LIMS1: variants seen among roughly 807,000 people sequenced by gnomAD.
LIMS1 encodes LIM zinc finger domain containing 1, also known as LIM and senescent cell antigen-like-containing domain protein 1.
Under a neutral mutation model 44.1 loss-of-function variants are expected in LIMS1, and 18 were observed. That is an observed-to-expected ratio of 0.41 (90% CI 0.28 to 0.61). The LOEUF is 0.61. Ranked by LOEUF, LIMS1 falls within the 20% of genes least tolerant of loss-of-function variation. The pLI is 0.32. For synonymous variants in LIMS1, 93 were observed against 149.1 expected, an observed-to-expected ratio of 0.62 and a Z score of 2.74; for missense variants, 201 against 422.0, an observed-to-expected ratio of 0.48 and a Z score of 4.59.
intron 1 of LIMS1, among the ~76,000 whole-genome samples, chr2:108,601,519 G>A (rs190384870): frequency 5.2e-4 from 79 of 152,292 alleles, no homozygotes; most frequent in African/African-American, 1.3e-3. Flanking sequence ...AATAACTAAC[G>A]TGTAAGAATA....
intron 1 of LIMS1, among the ~76,000 whole-genome samples, chr2:108,544,797 C>T (rs1367175860): frequency 6.6e-6 from 1 of 152,118 alleles, no homozygotes; most frequent in Non-Finnish European, 1.5e-5. Context: ...ACTGGGCCAG[C>T]CTCAATAATT....
At chr2:108,588,250 C>T (rs1686199653) in intron 1 of LIMS1, 1 of 756,404 alleles carries the variant, frequency 1.3e-6, no homozygotes, top group African/African-American at 2.1e-5. Context: ...CACCATGTCA[C>T]ATGATTTGAC....
chr2:108,652,580 T>C (rs866438804), intron 1 of LIMS1, among the ~76,000 whole-genome samples: 48 of 152,222 alleles, frequency 3.2e-4, no homozygotes, highest in African/African-American at 1.1e-3. Flanking sequence ...AAGAGAAGTC[T>C]GTGGTGATGG....
chr2:108,579,842 G>C (rs533559425), intron 1 of LIMS1, among the ~76,000 whole-genome samples: 10 of 152,170 alleles, frequency 6.6e-5, no homozygotes, highest in Non-Finnish European at 1.2e-4. Context: ...CAGAGGAAGC[G>C]ACCTCTTGAC....
At chr2:108,552,377 A>G (rs1368697604) in intron 1 of LIMS1, among the ~76,000 whole-genome samples, 2 of 144,338 alleles carry the variant, frequency 1.4e-5, no homozygotes, top group Non-Finnish European at 3.0e-5. Context: ...CGTATAGTAT[A>G]TATATGAAAC....
chr2:108,577,148 C>A (rs573456093), intron 1 of LIMS1, among the ~76,000 whole-genome samples: 6 of 152,214 alleles, frequency 3.9e-5, no homozygotes, highest in African/African-American at 4.8e-5. Flanking sequence ...TCATTTGAAA[C>A]TAGTTAACTG....
chr2:108,638,789 A>G (rs547680842), intron 1 of LIMS1, among the ~76,000 whole-genome samples: 5 of 152,192 alleles, frequency 3.3e-5, no homozygotes, highest in African/African-American at 1.2e-4. Context: ...CACGCCTGTA[A>G]TCCCAGCACT....
intron 1 of LIMS1, among the ~76,000 whole-genome samples, chr2:108,608,388 C>G (rs981545249): frequency 1.3e-5 from 2 of 151,698 alleles, no homozygotes; most frequent in Admixed American, 1.3e-4. Context: ...TCACTGAAAC[C>G]TCCGCCTCCC....
At chr2:108,612,010 A>ATAAAATATATATAAATATAT (rs1687669627) in intron 1 of LIMS1, among the ~76,000 whole-genome samples, 1 of 136,724 alleles carries the variant, frequency 7.3e-6, no homozygotes, top group Admixed American at 7.9e-5. Context: ...ATACACACAT[A>ATAAAATATATATAAATATAT]TATATATACA....
At chr2:108,593,935 T>C (rs1686535945) in intron 1 of LIMS1, among the ~76,000 whole-genome samples, 1 of 152,142 alleles carries the variant, frequency 6.6e-6, no homozygotes, top group Non-Finnish European at 1.5e-5. Context: ...GAGACCCTAG[T>C]GGTAAGTAAA....
intron 1 of LIMS1, among the ~76,000 whole-genome samples, chr2:108,614,145 C>T (rs1342779459): frequency 6.6e-6 from 1 of 152,178 alleles, no homozygotes; most frequent in Non-Finnish European, 1.5e-5. Context: ...ACAGACTCTC[C>T]GCATGTGACT....
chr2:108,579,034 GT>G lies in LIMS1; in HGVS notation c.32+44441del, dbSNP rs544086204. 9.3e-4 allele frequency among the ~76,000 whole-genome samples: 141 copies of G among 152,038 alleles called. 1 individual carries two copies. Among genetic ancestry groups the G allele is most frequent in the African/African-American group, 3.2e-3 (134 of 41,456 alleles). On this transcript the variant is annotated intron_variant, in intron 1 of 9. Transcript: ENST00000544547. ...ATTCATTATCCTATATCACTTTTTG[GT>G]ATGCATTCATGGGATTTTGTAGGCA...
chr2:108,534,420 C>G, exon 1 of LIMS1: 1 of 491,492 alleles, frequency 2.0e-6, no homozygotes, highest in Non-Finnish European at 2.9e-6. Context: ...CTCCCGCGCC[C>G]CCGCGCGGCC....
chr2:108,621,497 C>G, intron 1 of LIMS1: 1 of 1,442,648 alleles, frequency 6.9e-7, no homozygotes, highest in Non-Finnish European at 9.5e-7. Context: ...AAGGTCAAGA[C>G]ATCTAATCTA....
chr2:108,590,217 T>G (rs1459501903), intron 1 of LIMS1, among the ~76,000 whole-genome samples: 1 of 152,234 alleles, frequency 6.6e-6, no homozygotes, highest in Non-Finnish European at 1.5e-5. Context: ...TGTAAGGCAG[T>G]CTCTTATATA....
intron 1 of LIMS1, among the ~76,000 whole-genome samples, chr2:108,578,904 A>G (rs890044403): frequency 1.3e-5 from 2 of 152,236 alleles, no homozygotes; most frequent in East Asian, 3.9e-4. Context: ...ATGAAATGTA[A>G]ATAATTTTTA....
chr2:108,591,353 G>A (rs1023594942), intron 1 of LIMS1, among the ~76,000 whole-genome samples: 3 of 152,208 alleles, frequency 2.0e-5, no homozygotes, highest in Non-Finnish European at 2.9e-5. Flanking sequence ...GAACCTGGGC[G>A]TTGTCAGAGG....
rs1018619686 is a variant in LIMS1, at chr2:108,636,555, A to G, written c.33-23050A>G. On this transcript the variant is annotated intron_variant, in intron 1 of 9. Transcript: ENST00000544547. ...CTGACAAGGTCTCAGTGCTGCTCAT[A>G]GAGGACAAAGATTCACAGAGGTAGC... Among the ~76,000 whole-genome samples, 6 of 152,184 alleles carry G rather than the reference A, an allele frequency of 3.9e-5. No homozygotes were observed. In the South Asian group the frequency reaches 6.2e-4, roughly 16 times the overall value.
intron 1 of LIMS1, among the ~76,000 whole-genome samples, chr2:108,635,429 T>TAAAAAAAAAAAAA (rs70956264): frequency 4.6e-5 from 4 of 86,722 alleles, no homozygotes; most frequent in African/African-American, 1.5e-4. Flanking sequence ...ACTTCATCTC[T>TAAAAAAAAAAAAA]AAAAAAAAAA....
Sources: allele counts gnomAD v4.1 joint callset (sites outside exome capture counted in the v4.1 genomes callset), GRCh38; gene constraint gnomAD v4.1.1; transcripts MANE v1.5; gene names NCBI Gene and HGNC (gene_info 2026-07-23, HGNC 2026-07-21).